The following YAF2 variants were observed in gnomAD, a reference collection of about 807,000 sequenced individuals.
YAF2 encodes the protein YY1-associated factor 2.
A neutral mutation model predicts 20.1 loss-of-function variants in YAF2; 7 were observed. That is an observed-to-expected ratio of 0.35 (90% confidence interval 0.20 to 0.65). YAF2 has a LOEUF of 0.65. YAF2 is among the 30% of genes least tolerant of loss of function. The probability of loss-of-function intolerance (pLI) is 0.69; values close to 1 mark genes in which losing one functional copy is unlikely to be tolerated. For missense variants in YAF2, 151 were observed against 219.2 expected, an observed-to-expected ratio of 0.69 and a Z score of 1.96; for synonymous variants, 74 against 76.0, an observed-to-expected ratio of 0.97 and a Z score of 0.14.
chr12:42,222,430 C>A (rs574810130), intron 2 of YAF2, among the ~76,000 whole-genome samples: 47 of 152,114 alleles, frequency 3.1e-4, no homozygotes, highest in Admixed American at 2.4e-3. Context: ...ATCCAACAAC[C>A]CAGGTTTCAA....
intron 2 of YAF2, chr12:42,232,724 A>G: frequency 1.0e-6 from 1 of 985,468 alleles, no homozygotes. Context: ...CAAGTATGAC[A>G]AGAAAACAAC....
At chr12:42,224,104 T>C (rs2067609931) in intron 2 of YAF2, among the ~76,000 whole-genome samples, 1 of 152,158 alleles carries the variant, frequency 6.6e-6, no homozygotes, top group Non-Finnish European at 1.5e-5. Context: ...CACAGCCTTC[T>C]CCAAAAACTA....
intron 2 of YAF2, among the ~76,000 whole-genome samples, chr12:42,208,022 G>T (rs1033493456): frequency 6.6e-6 from 1 of 152,072 alleles, no homozygotes; most frequent in African/African-American, 2.4e-5. Flanking sequence ...TCCTATGCTT[G>T]CTCTCAAAGA....
chr12:42,191,472 G>A (rs763269693), intron 2 of YAF2, among the ~76,000 whole-genome samples: 9 of 152,072 alleles, frequency 5.9e-5, no homozygotes, highest in African/African-American at 9.7e-5. Context: ...TAAACACTAA[G>A]TGCATAGGTG....
At chr12:42,175,855 A>T (rs1178783370) in intron 2 of YAF2, among the ~76,000 whole-genome samples, 1 of 151,926 alleles carries the variant, frequency 6.6e-6, no homozygotes, top group Non-Finnish European at 1.5e-5. Flanking sequence ...TGTGTATTCA[A>T]GGTTGAAAAC....
intron 2 of YAF2, among the ~76,000 whole-genome samples, chr12:42,198,518 G>A (rs904061922): frequency 1.2e-4 from 18 of 152,196 alleles, no homozygotes; most frequent in Admixed American, 3.9e-4. Flanking sequence ...CCCAAGAAGC[G>A]CAGGTTGCAG....
chr12:42,237,932 A>T, intron 1 of YAF2: 1 of 425,594 alleles, frequency 2.3e-6, no homozygotes, highest in Non-Finnish European at 3.3e-6. Context: ...CCGCCGCCAC[A>T]GCCGCTCTGA....
chr12:42,218,944 A>G (rs1464345466), intron 2 of YAF2, among the ~76,000 whole-genome samples: 1 of 152,184 alleles, frequency 6.6e-6, no homozygotes, highest in African/African-American at 2.4e-5. Flanking sequence ...CTCTCCTGCC[A>G]CCCTACAAAA....
chr12:42,199,975 C>T (rs556257434), intron 2 of YAF2, among the ~76,000 whole-genome samples: 2 of 152,278 alleles, frequency 1.3e-5, no homozygotes, highest in East Asian at 3.9e-4. Flanking sequence ...TGGAAGACAT[C>T]TCAAATAGTT....
chr12:42,215,901 GGCGACAGA>G (rs1211446959), intron 2 of YAF2, among the ~76,000 whole-genome samples: 2 of 151,752 alleles, frequency 1.3e-5, no homozygotes, highest in African/African-American at 2.4e-5. Flanking sequence ...CAGCAGCCTA[GGCGACAGA>G]GCGAGATTCC....
At chr12:42,209,563 CAAAAAAAAAAA>C (rs71084623) in intron 2 of YAF2, among the ~76,000 whole-genome samples, 4 of 27,806 alleles carry the variant, frequency 1.4e-4, no homozygotes, top group Admixed American at 4.1e-4. Flanking sequence ...GACTTTGTCT[CAAAAAAAAAAA>C]AAAAAAAAAA....
chr12:42,179,006 CTA>C (rs1468117716), intron 2 of YAF2, among the ~76,000 whole-genome samples: 8 of 151,774 alleles, frequency 5.3e-5, no homozygotes, highest in Non-Finnish European at 1.0e-4. Flanking sequence ...TGAGCTATGA[CTA>C]TGCCTCTGCA....
intron 2 of YAF2, among the ~76,000 whole-genome samples, chr12:42,179,361 TC>T (rs1320518816): frequency 6.6e-6 from 1 of 152,308 alleles, no homozygotes; most frequent in East Asian, 1.9e-4. Flanking sequence ...TCTCAGCTAC[TC>T]AGGAGGCTGA....
chr12:42,176,100 G>A (rs1474445237), intron 2 of YAF2, among the ~76,000 whole-genome samples: 1 of 151,610 alleles, frequency 6.6e-6, no homozygotes, highest in Non-Finnish European at 1.5e-5. Context: ...TACAAAATTT[G>A]CCAAACGTGG....
chr12:42,204,316 C>G (rs536762893), intron 2 of YAF2, among the ~76,000 whole-genome samples: 31 of 152,272 alleles, frequency 2.0e-4, no homozygotes, highest in African/African-American at 7.2e-4. Flanking sequence ...ATATAGTCAG[C>G]GCTCCATATC....
Position 42,238,147 on chromosome 12 carries a change from G to A in YAF2, c.26+8C>T, listed in dbSNP as rs756663348. On this transcript the variant is annotated splice_region_variant and intron_variant, in intron 1 of 3. Transcript: ENST00000534854. ...ACAGTCCGGGCCCCGGGGCCCGGGC[G>A]CTGTTACCTGGTGGGGCTCTTCTTG... 5 of 1,541,426 alleles carry A rather than the reference G, an allele frequency of 3.2e-6. No individual in the cohort carries two copies. Among genetic ancestry groups the A allele is most frequent in the Admixed American group, 3.9e-5 (2 of 51,864 alleles).
intron 2 of YAF2, among the ~76,000 whole-genome samples, chr12:42,225,645 C>T (rs1372295292): frequency 1.3e-5 from 2 of 152,150 alleles, no homozygotes; most frequent in East Asian, 1.9e-4. Flanking sequence ...ATCCTTTCCC[C>T]AGTGTTTGTT....
At chr12:42,198,236 T>A (rs1003683547) in intron 2 of YAF2, among the ~76,000 whole-genome samples, 2 of 152,204 alleles carry the variant, frequency 1.3e-5, no homozygotes, top group African/African-American at 4.8e-5. Context: ...CTACCTACTC[T>A]AGCCCTCATA....
At chr12:42,179,365 G>A (rs1015668733) in intron 2 of YAF2, among the ~76,000 whole-genome samples, 4 of 151,944 alleles carry the variant, frequency 2.6e-5, no homozygotes, top group African/African-American at 9.7e-5. Context: ...AGCTACTCAG[G>A]AGGCTGAGGC....
Sources: allele counts gnomAD v4.1 joint callset (sites outside exome capture counted in the v4.1 genomes callset), GRCh38; gene constraint gnomAD v4.1.1; transcripts MANE v1.5; gene names NCBI Gene and HGNC (gene_info 2026-07-23, HGNC 2026-07-21).